NTF3: variants seen among roughly 807,000 people sequenced by gnomAD.
NTF3 encodes the protein neurotrophin-3.
In NTF3, 8 loss-of-function variants were observed where a neutral mutation model predicts 26.3. The ratio of observed to expected loss-of-function variants is 0.30; its 90% CI spans 0.18 to 0.55. The LOEUF (loss-of-function observed/expected upper bound fraction) is 0.55, where lower values mean the gene tolerates loss of function less well. Ranked by LOEUF, NTF3 falls within the 20% of genes least tolerant of loss-of-function variation. The probability of loss-of-function intolerance (pLI) is 0.93; values close to 1 mark genes in which losing one functional copy is unlikely to be tolerated. For missense variants in NTF3, 276 were observed against 352.9 expected, an observed-to-expected ratio of 0.78 and a Z score of 1.75; for synonymous variants, 154 against 145.5, an observed-to-expected ratio of 1.06 and a Z score of -0.42.
At chr12:5,459,564 C>T (rs993144119) in intron 1 of NTF3, among the ~76,000 whole-genome samples, 3 of 152,322 alleles carry the variant, frequency 2.0e-5, no homozygotes, top group Admixed American at 6.5e-5. Flanking sequence ...CAGGGAGGAA[C>T]GTGCATATTG....
At chr12:5,485,826 C>T (rs1027049818) in intron 1 of NTF3, among the ~76,000 whole-genome samples, 2 of 152,164 alleles carry the variant, frequency 1.3e-5, no homozygotes, top group African/African-American at 4.8e-5. Flanking sequence ...GTGCACATCC[C>T]CGCATCACTA....
intron 1 of NTF3, among the ~76,000 whole-genome samples, chr12:5,491,231 C>T (rs996002482): frequency 2.6e-5 from 4 of 152,134 alleles, no homozygotes; most frequent in African/African-American, 9.7e-5. Context: ...CTGCAAACCT[C>T]TGTGTTTTGG....
At chr12:5,478,707 T>C (rs943420857) in intron 1 of NTF3, among the ~76,000 whole-genome samples, 3 of 152,290 alleles carry the variant, frequency 2.0e-5, no homozygotes, top group African/African-American at 7.2e-5. Flanking sequence ...ACAGCATTTT[T>C]AGTAGTAAAC....
chr12:5,481,860 A>AACAT (rs145116216), intron 1 of NTF3, among the ~76,000 whole-genome samples: 70,132 of 150,924 alleles, frequency 0.46, 16,376 homozygotes, highest in African/African-American at 0.53. Context: ...CACACACAAA[A>AACAT]ACATACACAG....
intron 1 of NTF3, among the ~76,000 whole-genome samples, chr12:5,479,204 G>C (rs923754379): frequency 2.0e-5 from 3 of 152,330 alleles, no homozygotes; most frequent in African/African-American, 7.2e-5. Flanking sequence ...AGGAGATAGC[G>C]GTTGAGGCTG....
At chr12:5,493,824 T>C (rs1940968119) in intron 1 of NTF3, among the ~76,000 whole-genome samples, 1 of 152,074 alleles carries the variant, frequency 6.6e-6, no homozygotes, top group African/African-American at 2.4e-5. Context: ...AATTCTCAGG[T>C]TTGAAGTTTT....
At chr12:5,453,165 G>A (rs1180402336) in intron 1 of NTF3, among the ~76,000 whole-genome samples, 1 of 152,208 alleles carries the variant, frequency 6.6e-6, no homozygotes, top group Non-Finnish European at 1.5e-5. Flanking sequence ...TTAATACATG[G>A]TGTATTAAAT....
chr12:5,431,976 G>A (rs1326682473), upstream of NTF3: 1 of 148,840 alleles, frequency 6.7e-6, no homozygotes, highest in Admixed American at 6.7e-5. Flanking sequence ...GGGGGGCTCT[G>A]GGGCGCGGGC....
intron 1 of NTF3, among the ~76,000 whole-genome samples, chr12:5,442,390 C>CG (rs1565384285): frequency 6.6e-6 from 1 of 151,984 alleles, no homozygotes; most frequent in African/African-American, 2.4e-5. Context: ...TGGGGAGAGT[C>CG]GGGGGAACAC....
intron 1 of NTF3, among the ~76,000 whole-genome samples, chr12:5,481,612 CACAG>C (rs1015583511): frequency 1.0e-5 from 1 of 99,918 alleles, no homozygotes; most frequent in Non-Finnish European, 2.0e-5. Context: ...CATACAGACA[CACAG>C]ACATACACAT....
chr12:5,485,449 T>C (rs1321008222), intron 1 of NTF3, among the ~76,000 whole-genome samples: 2 of 152,198 alleles, frequency 1.3e-5, no homozygotes, highest in Admixed American at 6.5e-5. Flanking sequence ...TGTGTCTTCT[T>C]AAGAAAAAGT....
At chr12:5,444,710 A>G (rs775180455) in intron 1 of NTF3, among the ~76,000 whole-genome samples, 11 of 152,116 alleles carry the variant, frequency 7.2e-5, no homozygotes, top group Non-Finnish European at 1.5e-4. Flanking sequence ...GAAAACTCTG[A>G]GGGCACAATT....
intron 1 of NTF3, among the ~76,000 whole-genome samples, chr12:5,444,259 G>A (rs1257529850): frequency 6.6e-6 from 1 of 152,196 alleles, no homozygotes; most frequent in Non-Finnish European, 1.5e-5. Flanking sequence ...TGTTCCAATT[G>A]TCGATTATGT....
intron 1 of NTF3, among the ~76,000 whole-genome samples, chr12:5,487,230 C>T (rs1291837871): frequency 1.3e-5 from 2 of 152,226 alleles, no homozygotes; most frequent in Non-Finnish European, 2.9e-5. Flanking sequence ...GTCCTACCTT[C>T]CTCCCTGGAG....
At chr12:5,431,603 G>A (rs1166184806), upstream of NTF3, among the ~76,000 whole-genome samples, 1 of 152,048 alleles carries the variant, frequency 6.6e-6, no homozygotes, top group Non-Finnish European at 1.5e-5. Flanking sequence ...TCTGGAGCTG[G>A]AAGGGTCTAA....
chr12:5,491,567 G>A (rs1940936565), intron 1 of NTF3, among the ~76,000 whole-genome samples: 1 of 152,106 alleles, frequency 6.6e-6, no homozygotes, highest in Non-Finnish European at 1.5e-5. Flanking sequence ...CAACAGGAGA[G>A]GCAGTGCACA....
intron 1 of NTF3, among the ~76,000 whole-genome samples, chr12:5,432,604 C>CACAG (rs1555141048): frequency 1.4e-5 from 2 of 139,610 alleles, no homozygotes; most frequent in African/African-American, 5.4e-5. Context: ...CACACACACA[C>CACAG]ACAGACACGG....
intron 1 of NTF3, among the ~76,000 whole-genome samples, chr12:5,435,013 C>G (rs1179635086): frequency 6.6e-6 from 1 of 152,060 alleles, no homozygotes; most frequent in Non-Finnish European, 1.5e-5. Flanking sequence ...GTGTTTGCCT[C>G]CCCCCTCCTT....
At chr12:5,493,985 C>T in intron 1 of NTF3, 2 of 587,822 alleles carry the variant, frequency 3.4e-6, no homozygotes, top group Non-Finnish European at 6.0e-6. Flanking sequence ...GCAGAGTCGG[C>T]AGACCTGGAG....
Sources: gnomAD v4.1 joint callset for allele counts (sites outside exome capture counted in the v4.1 genomes callset) on GRCh38, gnomAD v4.1.1 for gene constraint, MANE v1.5 for transcripts, NCBI Gene and HGNC (gene_info 2026-07-23, HGNC 2026-07-21) for gene names.